The following FABP7 variants were observed in gnomAD, a reference collection of about 807,000 sequenced individuals.
FABP7 encodes fatty acid-binding protein, brain.
In FABP7, 13 loss-of-function variants were observed where a neutral mutation model predicts 14.2. The observed-to-expected ratio is 0.91, with a 90% CI of 0.59 to 1.45. FABP7 has a LOEUF of 1.45. Among genes scored for constraint, FABP7 ranks in the 40% most tolerant of loss-of-function variants. The probability of loss-of-function intolerance (pLI) is 0.00; values close to 1 mark genes in which losing one functional copy is unlikely to be tolerated. For synonymous variants in FABP7, 49 were observed against 51.4 expected (o/e 0.95, Z 0.20); for missense variants, 149 against 157.6 (o/e 0.95, Z 0.29).
chr6:122,752,062 C>G, the FABP7 span, among the ~76,000 whole-genome samples: 1 of 151,444 alleles, frequency 6.6e-6, no homozygotes, highest in Non-Finnish European at 1.5e-5. Context: ...CCCACCCCAG[C>G]TTTCCACCCC....
the FABP7 span, among the ~76,000 whole-genome samples, chr6:122,765,200 C>T: frequency 6.6e-6 from 1 of 152,108 alleles, no homozygotes; most frequent in African/African-American, 2.4e-5. Context: ...CTTCTTATGA[C>T]ATTACAGGCA....
chr6:122,750,826 A>T, the FABP7 span, among the ~76,000 whole-genome samples: 9 of 152,232 alleles, frequency 5.9e-5, no homozygotes, highest in African/African-American at 2.2e-4. Context: ...GAGTTAGCTG[A>T]TGAGTGGAAG....
upstream of FABP7, chr6:122,779,522 C>T: frequency 2.1e-6 from 1 of 476,374 alleles, no homozygotes; most frequent in Non-Finnish European, 3.8e-6. Context: ...GGAACTCGAC[C>T]TACTCCGCTA....
At chr6:122,781,747 T>C in intron 3 of FABP7, 1 of 956,978 alleles carries the variant, frequency 1.0e-6, no homozygotes, top group Non-Finnish European at 1.2e-6. Context: ...ACCCTTTTTT[T>C]TTTTTTTTTT....
the FABP7 span, among the ~76,000 whole-genome samples, chr6:122,769,614 C>T: frequency 6.6e-6 from 1 of 151,978 alleles, no homozygotes; most frequent in Non-Finnish European, 1.5e-5. Context: ...TTATTTATGT[C>T]TACAAATGTT....
rs1160159032 is a variant in FABP7 at position 122,780,604 on chromosome 6, A to G, written c.246+141A>G. Reference sequence around the variant, plus strand: ...ATCCAAGGAGAAATACACCAAAGTTAGTTTAATGTGCATATGTTATATTTT... The same window carrying G: ...ATCCAAGGAGAAATACACCAAAGTTGGTTTAATGTGCATATGTTATATTTT... On this transcript the variant is annotated intron_variant, in intron 2 of 3. Coordinates refer to ENST00000368444, the MANE Select transcript of FABP7 (RefSeq NM_001446.5). 4.0e-5 allele frequency: 35 copies of G among 875,792 alleles called. 1 individual carries two copies. In the East Asian group the frequency reaches 9.2e-4, roughly 23 times the overall value. The allele number at this position is 875,792 out of a possible 1,614,324, so 54.3% of individuals were successfully genotyped here. A position where few individuals can be genotyped will look rare whatever the true frequency, so the allele number is the denominator to read the frequency against.
chr6:122,770,080 C>T, the FABP7 span, among the ~76,000 whole-genome samples: 1 of 151,824 alleles, frequency 6.6e-6, no homozygotes, highest in Non-Finnish European at 1.5e-5. Context: ...ACTTAAATTT[C>T]AGTTAGAAAA....
At chr6:122,770,863 T>A in the FABP7 span, among the ~76,000 whole-genome samples, 1 of 152,334 alleles carries the variant, frequency 6.6e-6, no homozygotes, top group East Asian at 1.9e-4. Context: ...GACTGACTTA[T>A]CTGATTCATG....
the FABP7 span, among the ~76,000 whole-genome samples, chr6:122,752,930 C>T: frequency 6.6e-6 from 1 of 152,200 alleles, no homozygotes; most frequent in African/African-American, 2.4e-5. Context: ...AGTCCACTAA[C>T]TAAGCCTGTG....
At chr6:122,750,542 T>C in the FABP7 span, among the ~76,000 whole-genome samples, 1 of 152,242 alleles carries the variant, frequency 6.6e-6, no homozygotes, top group Admixed American at 6.5e-5. Context: ...TTGCTAGTTT[T>C]CAGCCTTATG....
the FABP7 span, among the ~76,000 whole-genome samples, chr6:122,758,105 C>T: frequency 8.4e-6 from 1 of 118,382 alleles, no homozygotes. Context: ...TATTATCTAG[C>T]TTTTTTTTTT....
chr6:122,769,782 A>T, the FABP7 span, among the ~76,000 whole-genome samples: 2 of 152,272 alleles, frequency 1.3e-5, no homozygotes, highest in Non-Finnish European at 2.9e-5. Context: ...ATATTTTTAA[A>T]AACAACAGCA....
chr6:122,775,377 T>C (rs1278780101), upstream of FABP7, among the ~76,000 whole-genome samples: 1 of 152,222 alleles, frequency 6.6e-6, no homozygotes, highest in East Asian at 1.9e-4. Flanking sequence ...AGACAACTTA[T>C]TTTCAACAAA....
the FABP7 span, among the ~76,000 whole-genome samples, chr6:122,773,822 T>C: frequency 4.1e-4 from 63 of 152,186 alleles, no homozygotes; most frequent in Non-Finnish European, 8.1e-4. Flanking sequence ...TTCAGCGTCA[T>C]GTGAAGATTC....
the FABP7 span, among the ~76,000 whole-genome samples, chr6:122,752,963 T>C: frequency 6.6e-6 from 1 of 152,232 alleles, no homozygotes. Context: ...TTTTTTGCTG[T>C]GGTTTCTTTA....
In FABP7 at chr6:122,779,739, T is replaced by C; in HGVS notation, c.-56T>C. On this transcript the variant is annotated 5_prime_UTR_variant, in exon 1 of 4. Transcript: ENST00000368444. Reference sequence around the variant, plus strand: ...GTGTAAAGGGTCTTCTGAGCTGCAGTGGCAATTAGACCAGAAGATCCCCGC... The same window carrying C: ...GTGTAAAGGGTCTTCTGAGCTGCAGCGGCAATTAGACCAGAAGATCCCCGC... 1 of 1,544,620 alleles carries C rather than the reference T, an allele frequency of 6.5e-7. No homozygotes were observed. The highest frequency in any genetic ancestry group is 8.9e-7 in the Non-Finnish European group (1 of 1,118,832).
the FABP7 span, among the ~76,000 whole-genome samples, chr6:122,750,820 T>C: frequency 6.6e-6 from 1 of 152,200 alleles, no homozygotes; most frequent in Non-Finnish European, 1.5e-5. Context: ...AGTCAGGAGT[T>C]AGCTGATGAG....
intron 1 of FABP7, 63 bp from the exon 2 acceptor site, chr6:122,780,228 T>G (rs2279382): frequency 0.18 from 280,500 of 1,535,458 alleles, 30,096 homozygotes; most frequent in Admixed American, 0.38. Flanking sequence ...AGAAAGCAGA[T>G]TCTTGCTTTG....
the FABP7 span, among the ~76,000 whole-genome samples, chr6:122,763,830 A>G: frequency 6.6e-6 from 1 of 152,222 alleles, no homozygotes; most frequent in Admixed American, 6.5e-5. Flanking sequence ...GCAAATCAAA[A>G]CCACAATGAG....
Sources: gnomAD v4.1 joint callset for allele counts (sites outside exome capture counted in the v4.1 genomes callset) on GRCh38, gnomAD v4.1.1 for gene constraint, MANE v1.5 for transcripts, NCBI Gene and HGNC (gene_info 2026-07-23, HGNC 2026-07-21) for gene names.